Variants in AK9 observed in about 807,000 individuals in gnomAD.
AK9 encodes the protein adenylate kinase domain containing 1.
Under a neutral mutation model 239.6 loss-of-function variants are expected in AK9, and 191 were observed. The ratio of observed to expected loss-of-function variants is 0.80; its 90% CI spans 0.71 to 0.90. AK9 has a LOEUF of 0.90. Ranked by LOEUF, AK9 falls within the 40% of genes least tolerant of loss-of-function variation. AK9 has a pLI of 0.00. For synonymous variants in AK9, 689 were observed against 721.0 expected (o/e 0.96, Z 0.71); for missense variants, 1,995 against 2,214.7 (o/e 0.90, Z 1.99).
At chr6:109,659,541 T>C (rs1250385424) in intron 6 of AK9, 128 bp from the exon 7 acceptor site, 9 of 1,197,484 alleles carry the variant, frequency 7.5e-6, no homozygotes, top group Non-Finnish European at 1.0e-5. Flanking sequence ...AAATGCAATA[T>C]TGTGACTGGC....
intron 8 of AK9, 27 bp from the exon 9 acceptor site, chr6:109,644,715 T>C (rs368522082): frequency 2.0e-5 from 32 of 1,568,214 alleles, no homozygotes; most frequent in Admixed American, 1.7e-4. Context: ...AGAAACTTTA[T>C]AATACAGGAT....
At chr6:109,573,291 TG>T in intron 21 of AK9, 150 bp downstream of exon 21, 1 of 775,584 alleles carries the variant, frequency 1.3e-6, no homozygotes, top group Non-Finnish European at 1.9e-6. Flanking sequence ...CTTCAAACTG[TG>T]GGATTTGGAC....
At chr6:109,623,904 C>CA (rs772870675) in intron 12 of AK9, among the ~76,000 whole-genome samples, 92 of 124,360 alleles carry the variant, frequency 7.4e-4, no homozygotes, top group East Asian at 1.7e-3. Flanking sequence ...CACACACACA[C>CA]ATTTCTTCTC....
intron 27 of AK9, among the ~76,000 whole-genome samples, chr6:109,538,634 T>C (rs893339783): frequency 1.3e-5 from 2 of 151,938 alleles, no homozygotes; most frequent in African/African-American, 4.9e-5. Flanking sequence ...ATGTGTGAAT[T>C]TGATCCTGTC....
chr6:109,621,813 A>T (rs1282962060), intron 12 of AK9, among the ~76,000 whole-genome samples: 1 of 142,584 alleles, frequency 7.0e-6, no homozygotes, highest in Non-Finnish European at 1.5e-5. Flanking sequence ...TAGTGGGTGC[A>T]GCGCACCAGC....
At chr6:109,587,586 A>G (rs562495944) in intron 17 of AK9, among the ~76,000 whole-genome samples, 4 of 152,244 alleles carry the variant, frequency 2.6e-5, no homozygotes, top group East Asian at 1.9e-4. Flanking sequence ...TTAGCTCCCA[A>G]TTGTGAGAAC....
rs1277130501 is a variant in AK9 at position 109,508,826 on chromosome 6, G to T, written c.4481+353C>A. Among the ~76,000 whole-genome samples the T allele has an allele frequency of 2.0e-5, 3 of 152,284 alleles. No homozygotes were observed. The East Asian group carries it at 5.8e-4, about 29-fold the overall frequency. On this transcript the variant is annotated intron_variant, in intron 33 of 40. Coordinates refer to ENST00000424296, the MANE Select transcript of AK9 (RefSeq NM_001145128.3). ...CCATCTCCACTGGACCAGCCCCTGG[G>T]GGATGGGGGAGGGCCACTTCTCCAT...
chr6:109,602,752 T>C (rs1792208182), intron 17 of AK9, among the ~76,000 whole-genome samples: 1 of 152,236 alleles, frequency 6.6e-6, no homozygotes, highest in Non-Finnish European at 1.5e-5. Context: ...CCCATATTTC[T>C]TGGAGGCTTT....
intron 28 of AK9, among the ~76,000 whole-genome samples, chr6:109,531,952 G>A (rs991593486): frequency 4.6e-5 from 7 of 152,178 alleles, no homozygotes; most frequent in East Asian, 3.9e-4. Flanking sequence ...GTGAGGGAGA[G>A]GAATGGATGG....
intron 24 of AK9, among the ~76,000 whole-genome samples, chr6:109,559,483 C>T (rs1168987248): frequency 6.6e-6 from 1 of 152,110 alleles, no homozygotes; most frequent in East Asian, 1.9e-4. Context: ...ATCTATCTGT[C>T]CATTTATGTA....
At chr6:109,498,563 AT>A (rs1777295722) in intron 36 of AK9, among the ~76,000 whole-genome samples, 2 of 152,330 alleles carry the variant, frequency 1.3e-5, no homozygotes, top group South Asian at 4.1e-4. Flanking sequence ...GGACATTATA[AT>A]ATGAGACGAA....
chr6:109,568,247 C>G (rs1370049658), intron 21 of AK9, among the ~76,000 whole-genome samples: 1 of 152,152 alleles, frequency 6.6e-6, no homozygotes, highest in Non-Finnish European at 1.5e-5. Flanking sequence ...GCTAAAAACT[C>G]TCAATAAACT....
chr6:109,582,218 T>G (rs1253336235), intron 19 of AK9, among the ~76,000 whole-genome samples: 1 of 152,196 alleles, frequency 6.6e-6, no homozygotes, highest in Admixed American at 6.5e-5. Context: ...AGCCCATGGA[T>G]CAAAGAGTAA....
intron 5 of AK9, among the ~76,000 whole-genome samples, chr6:109,665,050 A>G (rs1419992893): frequency 6.6e-6 from 1 of 151,878 alleles, no homozygotes; most frequent in Non-Finnish European, 1.5e-5. Flanking sequence ...AAAAAAAATA[A>G]AGAAGAAGAA....
intron 27 of AK9, among the ~76,000 whole-genome samples, chr6:109,541,694 G>C (rs1562378504): frequency 1.3e-5 from 2 of 152,250 alleles, no homozygotes; most frequent in Admixed American, 6.5e-5. Context: ...ACAGGCATGA[G>C]CCACTGCACC....
chr6:109,496,963 T>C (rs558668412), intron 38 of AK9, among the ~76,000 whole-genome samples: 2 of 152,250 alleles, frequency 1.3e-5, no homozygotes, highest in Admixed American at 1.3e-4. Flanking sequence ...AAACGCTTCA[T>C]GGTGGTCTTA....
At chr6:109,664,669 T>C (rs891514813) in intron 5 of AK9, among the ~76,000 whole-genome samples, 11 of 150,886 alleles carry the variant, frequency 7.3e-5, no homozygotes, top group Non-Finnish European at 1.3e-4. Context: ...GTGATCCGCC[T>C]GCCTCGGCCT....
At chr6:109,618,048 T>C (rs2128246260) in intron 13 of AK9, among the ~76,000 whole-genome samples, 1 of 152,288 alleles carries the variant, frequency 6.6e-6, no homozygotes, top group South Asian at 2.1e-4. Flanking sequence ...GCATCACGAA[T>C]GGCTATTATT....
At chr6:109,575,483 G>A (rs1054149390) in intron 20 of AK9, among the ~76,000 whole-genome samples, 1 of 151,946 alleles carries the variant, frequency 6.6e-6, no homozygotes, top group East Asian at 1.9e-4. Flanking sequence ...ATCTTCTTTT[G>A]AGAACTGTCT....
Sources: gnomAD v4.1 joint callset for allele counts (sites outside exome capture counted in the v4.1 genomes callset) on GRCh38, gnomAD v4.1.1 for gene constraint, MANE v1.5 for transcripts, NCBI Gene and HGNC (gene_info 2026-07-23, HGNC 2026-07-21) for gene names.